HIVEP3: variants seen among roughly 807,000 people sequenced by gnomAD.
HIVEP3 encodes the protein transcription factor HIVEP3.
A neutral mutation model predicts 152.8 loss-of-function variants in HIVEP3; 49 were observed. The observed-to-expected ratio is 0.32, with a 90% confidence interval of 0.26 to 0.41. HIVEP3 has a LOEUF of 0.41. Among genes scored for constraint, HIVEP3 ranks in the 10% least tolerant of loss-of-function variants. The pLI, the probability that HIVEP3 is intolerant of heterozygous loss-of-function variation, is 1.00. For synonymous variants in HIVEP3, 1,269 were observed against 1,289.0 expected (o/e 0.98, Z 0.33); for missense variants, 2,790 against 3,103.3 (o/e 0.90, Z 2.40).
At chr1:41,850,023 T>A (rs1365623173) in intron 1 of HIVEP3, among the ~76,000 whole-genome samples, 1 of 152,212 alleles carries the variant, frequency 6.6e-6, no homozygotes, top group Non-Finnish European at 1.5e-5. Flanking sequence ...TACTCTACTC[T>A]AGTGGTTCCT....
chr1:41,897,388 T>C (rs146274001), intron 1 of HIVEP3, among the ~76,000 whole-genome samples: 19 of 152,186 alleles, frequency 1.2e-4, no homozygotes, highest in African/African-American at 1.2e-4. Context: ...GTGGAGCCTA[T>C]AGGAAGTGAT....
chr1:41,561,408 C>G (rs887175515), intron 5 of HIVEP3, among the ~76,000 whole-genome samples: 1 of 152,132 alleles, frequency 6.6e-6, no homozygotes, highest in Non-Finnish European at 1.5e-5. Flanking sequence ...AAACAATGCC[C>G]GAAGATGGAA....
chr1:41,623,564 C>T (rs1022286124), intron 3 of HIVEP3, among the ~76,000 whole-genome samples: 1 of 152,208 alleles, frequency 6.6e-6, no homozygotes, highest in Admixed American at 6.5e-5. Flanking sequence ...AGCCCATGGC[C>T]TCCAAAAACC....
chr1:41,634,541 A>C (rs1409675472), intron 2 of HIVEP3, among the ~76,000 whole-genome samples: 1 of 152,150 alleles, frequency 6.6e-6, no homozygotes, highest in East Asian at 1.9e-4. Context: ...TGAATAAATT[A>C]AATTACTTTA....
At position 41,756,440 on chromosome 1, in the gene HIVEP3, G is replaced by A. The variant is rs542521806; in HGVS notation, c.-800-55445C>T. The stretch of plus-strand genomic sequence containing the variant: ...TACTACAATACAGTATCAAAACCAC[G>A]GATTGATTCCTGGTTCTTTTTCCAA... On this transcript the variant is annotated intron_variant, in intron 1 of 8. Transcript: ENST00000372583. Among the ~76,000 whole-genome samples the A allele has an allele frequency of 1.3e-4, 20 of 152,162 alleles. No individual in the cohort carries two copies. The East Asian group carries it at 3.9e-3, about 29-fold the overall frequency.
intron 1 of HIVEP3, among the ~76,000 whole-genome samples, chr1:41,781,465 G>A (rs1475557195): frequency 1.3e-5 from 2 of 152,148 alleles, no homozygotes; most frequent in Non-Finnish European, 2.9e-5. Context: ...TTCCTAAAGG[G>A]CTCTTGAAAT....
intron 6 of HIVEP3, among the ~76,000 whole-genome samples, chr1:41,521,490 C>T (rs1300819772): frequency 1.3e-5 from 2 of 152,202 alleles, no homozygotes; most frequent in Non-Finnish European, 2.9e-5. Flanking sequence ...GAGTGCTGTC[C>T]GGGTCCCTCT....
chr1:42,023,711 C>T (rs534760506), intron 1 of HIVEP3, among the ~76,000 whole-genome samples: 2 of 152,238 alleles, frequency 1.3e-5, no homozygotes, highest in South Asian at 4.1e-4. Flanking sequence ...CTTCACCTTC[C>T]GCCATGATTG....
intron 1 of HIVEP3, among the ~76,000 whole-genome samples, chr1:41,960,236 A>G (rs1645162280): frequency 6.6e-6 from 1 of 152,180 alleles, no homozygotes; most frequent in African/African-American, 2.4e-5. Flanking sequence ...GAGTATTAGT[A>G]TGGCCTCAGG....
intron 8 of HIVEP3, among the ~76,000 whole-genome samples, chr1:41,512,372 T>C (rs903252710): frequency 1.3e-5 from 2 of 152,214 alleles, no homozygotes; most frequent in African/African-American, 4.8e-5. Context: ...GTGAGATGCC[T>C]GTTCCCGCTT....
intron 1 of HIVEP3, among the ~76,000 whole-genome samples, chr1:41,718,770 A>ACACC (rs1169319014): frequency 2.9e-5 from 4 of 138,272 alleles, no homozygotes; most frequent in Non-Finnish European, 4.4e-5. Flanking sequence ...TCTCTCTTTC[A>ACACC]CACCCACACA....
chr1:41,841,725 A>G (rs1025456906), intron 1 of HIVEP3, among the ~76,000 whole-genome samples: 1 of 152,194 alleles, frequency 6.6e-6, no homozygotes, highest in African/African-American at 2.4e-5. Flanking sequence ...ATGGCTCCAG[A>G]GGGAGTGTTC....
At chr1:41,606,140 G>A (rs1570086463) in intron 3 of HIVEP3, among the ~76,000 whole-genome samples, 1 of 150,364 alleles carries the variant, frequency 6.7e-6, no homozygotes, top group South Asian at 2.1e-4. Context: ...AGAGTTTTTC[G>A]CATTCAACCT....
intron 1 of HIVEP3, among the ~76,000 whole-genome samples, chr1:41,905,366 C>G (rs1487497391): frequency 5.3e-5 from 8 of 152,184 alleles, no homozygotes; most frequent in African/African-American, 1.7e-4. Context: ...CCAGTGGGAA[C>G]TGGGGTGCCA....
intron 1 of HIVEP3, among the ~76,000 whole-genome samples, chr1:41,801,944 G>T (rs765789882): frequency 2.6e-5 from 4 of 152,140 alleles, no homozygotes; most frequent in Non-Finnish European, 5.9e-5. Flanking sequence ...TGGGGGGCAG[G>T]GGAGAGGCAT....
chr1:41,698,882 T>A (rs1296807038), intron 2 of HIVEP3, among the ~76,000 whole-genome samples: 1 of 152,164 alleles, frequency 6.6e-6, no homozygotes, highest in Non-Finnish European at 1.5e-5. Flanking sequence ...CCTTTGTCTA[T>A]GTGTCCCTTC....
At chr1:41,540,603 C>T (rs926343798) in intron 5 of HIVEP3, among the ~76,000 whole-genome samples, 19 of 152,140 alleles carry the variant, frequency 1.2e-4, no homozygotes, top group Non-Finnish European at 2.2e-4. Flanking sequence ...CTGTTCCCCA[C>T]CAGTTAAGAT....
At chr1:41,951,827 A>AT (rs1645109439) in intron 1 of HIVEP3, among the ~76,000 whole-genome samples, 1 of 152,134 alleles carries the variant, frequency 6.6e-6, no homozygotes, top group African/African-American at 2.4e-5. Context: ...CCATGATTCA[A>AT]TTACCTCCCA....
intron 1 of HIVEP3, among the ~76,000 whole-genome samples, chr1:41,719,310 C>T (rs1301469370): frequency 1.3e-5 from 2 of 152,232 alleles, no homozygotes; most frequent in Admixed American, 6.5e-5. Flanking sequence ...GACAGTGAAG[C>T]TCCTCTTACA....
Sources: gnomAD v4.1 joint callset for allele counts (sites outside exome capture counted in the v4.1 genomes callset) on GRCh38, gnomAD v4.1.1 for gene constraint, MANE v1.5 for transcripts, NCBI Gene and HGNC (gene_info 2026-07-23, HGNC 2026-07-21) for gene names.